The following STX8 variants were observed in gnomAD, a reference collection of about 807,000 sequenced individuals.
The protein encoded by STX8 is syntaxin-8.
STX8 carries 23 observed loss-of-function variants against 37.5 expected under a neutral mutation model. The observed-to-expected ratio is 0.61, with a 90% CI of 0.44 to 0.87. STX8 has a LOEUF of 0.87. Ranked by LOEUF, STX8 falls within the 40% of genes least tolerant of loss-of-function variation. STX8 has a pLI of 0.00. For synonymous variants in STX8, 115 were observed against 99.1 expected, an observed-to-expected ratio of 1.16 and a Z score of -0.95; for missense variants, 313 against 284.7, an observed-to-expected ratio of 1.10 and a Z score of -0.71.
At chr17:9,452,650 G>A (rs148970786) in intron 6 of STX8, 28 of 152,266 alleles carry the variant, frequency 1.8e-4, no homozygotes, top group African/African-American at 6.3e-4. Flanking sequence ...GGGGTTCTCA[G>A]GTGTAGGCGA....
intron 3 of STX8, chr17:9,557,096 CT>C (rs933759361): frequency 2.1e-4 from 39 of 188,344 alleles, no homozygotes; most frequent in African/African-American, 9.0e-4. Context: ...GGAAGTTTTC[CT>C]GTTGGAGCAG....
intron 7 of STX8, among the ~76,000 whole-genome samples, chr17:9,360,011 C>T (rs898471965): frequency 6.6e-6 from 1 of 151,748 alleles, no homozygotes; most frequent in African/African-American, 2.4e-5. Context: ...TCTTTAGTTC[C>T]GCGTGTCAAA....
At chr17:9,428,665 G>T (rs1913730439) in intron 6 of STX8, among the ~76,000 whole-genome samples, 1 of 152,156 alleles carries the variant, frequency 6.6e-6, no homozygotes, top group African/African-American at 2.4e-5. Flanking sequence ...AAGTAAAAAG[G>T]AACAATGGCA....
intron 7 of STX8, among the ~76,000 whole-genome samples, chr17:9,333,087 G>A (rs545128559): frequency 8.7e-4 from 133 of 152,030 alleles, no homozygotes; most frequent in African/African-American, 3.1e-3. Flanking sequence ...GCTTTCTTTT[G>A]GGATTAAAAA....
At chr17:9,559,760 A>ATATATTTTTTTTTTTTTTTT in intron 2 of STX8, among the ~76,000 whole-genome samples, 3 of 24,496 alleles carry the variant, frequency 1.2e-4, no homozygotes, top group African/African-American at 5.7e-4. Flanking sequence ...ATATATATAT[A>ATATATTTTTTTTTTTTTTTT]TTTTTTTTTT....
chr17:9,521,822 C>T (rs936092417), intron 4 of STX8, among the ~76,000 whole-genome samples: 3 of 152,156 alleles, frequency 2.0e-5, no homozygotes, highest in Non-Finnish European at 4.4e-5. Flanking sequence ...AGAATCAGAA[C>T]AAGGAAAATA....
intron 4 of STX8, among the ~76,000 whole-genome samples, chr17:9,528,401 G>C (rs1187330988): frequency 2.6e-5 from 4 of 152,216 alleles, no homozygotes; most frequent in South Asian, 2.1e-4. Flanking sequence ...GAGTTCAAGC[G>C]ATTCTCCGGC....
At chr17:9,309,222 G>A (rs796675666) in intron 7 of STX8, among the ~76,000 whole-genome samples, 19 of 152,134 alleles carry the variant, frequency 1.2e-4, no homozygotes, top group South Asian at 6.2e-4. Flanking sequence ...ATATTGTAAC[G>A]GAAAATATCT....
chr17:9,295,694 G>A (rs7222171), intron 7 of STX8, among the ~76,000 whole-genome samples: 45,992 of 151,800 alleles, frequency 0.3, 7,803 homozygotes, highest in African/African-American at 0.45. Flanking sequence ...AGTGAGCCAA[G>A]ATCGCGCCAC....
chr17:9,508,730 CTAT>C (rs1904929186), intron 4 of STX8, among the ~76,000 whole-genome samples: 2 of 152,102 alleles, frequency 1.3e-5, no homozygotes. Flanking sequence ...TCATGGGACA[CTAT>C]TAAGTGAACA....
chr17:9,281,999 C>A (rs1030359551), intron 7 of STX8, among the ~76,000 whole-genome samples: 1 of 152,180 alleles, frequency 6.6e-6, no homozygotes, highest in Non-Finnish European at 1.5e-5. Context: ...CCTCCTGGGG[C>A]CTTCTCCCCA....
At chr17:9,449,406 A>G (rs1047191098) in intron 6 of STX8, among the ~76,000 whole-genome samples, 6 of 152,200 alleles carry the variant, frequency 3.9e-5, no homozygotes, top group African/African-American at 1.4e-4. Flanking sequence ...TAAAAATACA[A>G]AAAATTAGCC....
rs572203724 is a variant in STX8 at position 9,326,030 on chromosome 17, G to A, written c.643+52522C>T. 1.6e-4 allele frequency among the ~76,000 whole-genome samples: 24 copies of A among 152,312 alleles called. No individual in the cohort carries two copies. The East Asian group carries it at 4.1e-3, about 26-fold the overall frequency. ...AGCTAGTGGGAAAAGGTTGGGGGTCGGGAGGCATCCAGCAGTGTGTCAATG... is the reference window on the plus strand; with the variant it reads ...AGCTAGTGGGAAAAGGTTGGGGGTCAGGAGGCATCCAGCAGTGTGTCAATG... On this transcript the variant is annotated intron_variant, in intron 7 of 7. Coordinates refer to ENST00000306357, the MANE Select transcript of STX8 (RefSeq NM_004853.3).
At chr17:9,362,278 T>A (rs1299916923) in intron 7 of STX8, among the ~76,000 whole-genome samples, 1 of 152,146 alleles carries the variant, frequency 6.6e-6, no homozygotes, top group African/African-American at 2.4e-5. Flanking sequence ...TGCAGTGAGA[T>A]CGTACCACTG....
At chr17:9,545,019 A>G (rs1299181894) in intron 4 of STX8, among the ~76,000 whole-genome samples, 153 bp downstream of exon 4, 1 of 152,094 alleles carries the variant, frequency 6.6e-6, no homozygotes, top group Non-Finnish European at 1.5e-5. Context: ...AAATTAACGA[A>G]AACTAAATTG....
At chr17:9,279,890 T>G (rs560591634) in intron 7 of STX8, among the ~76,000 whole-genome samples, 17 of 152,328 alleles carry the variant, frequency 1.1e-4, no homozygotes, top group Middle Eastern at 3.4e-3. Context: ...AAGGATAGCT[T>G]AAAATACATC....
intron 7 of STX8, among the ~76,000 whole-genome samples, chr17:9,374,539 C>G (rs540562450): frequency 1.3e-5 from 2 of 152,072 alleles, no homozygotes; most frequent in Admixed American, 6.6e-5. Context: ...GACTGACCCC[C>G]GTACAGCTTT....
In STX8 at chr17:9,373,348, AAAGG is replaced by A. The variant is rs1164137668; in HGVS notation, c.643+5200_643+5203del. Among the ~76,000 whole-genome samples the A allele has an allele frequency of 1.1e-3, 172 of 152,348 alleles. 1 individual carries two copies. The highest frequency in any genetic ancestry group is 3.9e-3 in the African/African-American group (163 of 41,592). ...ATGGTGGCATTATTCACAATAGCCAAAAGGTGGAACAACCTGTGTCCACTGACAA... is the reference window on the plus strand; with the variant it reads ...ATGGTGGCATTATTCACAATAGCCAATGGAACAACCTGTGTCCACTGACAA... On this transcript the variant is annotated intron_variant, in intron 7 of 7. Coordinates refer to ENST00000306357, the MANE Select transcript of STX8 (RefSeq NM_004853.3).
chr17:9,428,454 A>C (rs913977461), intron 6 of STX8, among the ~76,000 whole-genome samples: 1 of 152,120 alleles, frequency 6.6e-6, no homozygotes, highest in Non-Finnish European at 1.5e-5. Flanking sequence ...GTTAGCCAGG[A>C]TGGTCTTGAT....
Sources: allele counts gnomAD v4.1 joint callset (sites outside exome capture counted in the v4.1 genomes callset), GRCh38; gene constraint gnomAD v4.1.1; transcripts MANE v1.5; gene names NCBI Gene and HGNC (gene_info 2026-07-23, HGNC 2026-07-21).